The following NANOS3 variants were observed in gnomAD, a reference collection of about 807,000 sequenced individuals.
NANOS3 encodes nanos C2HC-type zinc finger 3.
NANOS3 carries 11 observed loss-of-function variants against 13.8 expected under a neutral mutation model. That is an observed-to-expected ratio of 0.80 (90% CI 0.50 to 1.32). The LOEUF is 1.32. Ranked by LOEUF, NANOS3 falls within the 40% of genes most tolerant of loss-of-function variation. NANOS3 has a pLI of 0.00. For synonymous variants in NANOS3, 119 were observed against 115.4 expected (o/e 1.03, Z -0.20); for missense variants, 221 against 263.8 (o/e 0.84, Z 1.12).
At chr19:13,863,789 C>T (rs543472356), upstream of NANOS3, among the ~76,000 whole-genome samples, 1 of 152,214 alleles carries the variant, frequency 6.6e-6, no homozygotes, top group East Asian at 1.9e-4. Context: ...CATCCACTCT[C>T]CTGGACCTGG....
intron 1 of NANOS3, among the ~76,000 whole-genome samples, chr19:13,870,826 C>T (rs904427301): frequency 6.6e-6 from 1 of 151,494 alleles, no homozygotes; most frequent in African/African-American, 2.4e-5. Flanking sequence ...CTGATCTGCC[C>T]GCCTCGGCCT....
upstream of NANOS3, among the ~76,000 whole-genome samples, chr19:13,864,957 T>G (rs1434723747): frequency 6.6e-6 from 1 of 152,018 alleles, no homozygotes; most frequent in Non-Finnish European, 1.5e-5. Context: ...CGCGTGCCTT[T>G]GTGCGCGTGT....
At chr19:13,874,180 C>G (rs1039643612), upstream of NANOS3, among the ~76,000 whole-genome samples, 12 of 152,246 alleles carry the variant, frequency 7.9e-5, no homozygotes, top group East Asian at 2.3e-3. Context: ...ACCTGACGAC[C>G]CCCCACCCCC....
At chr19:13,874,673 C>T (rs2145075700), upstream of NANOS3, 3 of 524,386 alleles carry the variant, frequency 5.7e-6, no homozygotes, top group South Asian at 2.8e-5. Context: ...TTCCCTGCCA[C>T]CTACCCCACC....
chr19:13,871,928 G>A (rs957278066), intron 1 of NANOS3, among the ~76,000 whole-genome samples: 1 of 152,160 alleles, frequency 6.6e-6, no homozygotes, highest in African/African-American at 2.4e-5. Flanking sequence ...GGGGCTGGGA[G>A]GTCGAGGCTG....
chr19:13,868,326 C>T (rs778038369), intron 1 of NANOS3, among the ~76,000 whole-genome samples: 2 of 151,826 alleles, frequency 1.3e-5, no homozygotes, highest in Non-Finnish European at 2.9e-5. Flanking sequence ...CCCAAAGTGC[C>T]GAGATTACAG....
chr19:13,865,448 G>C (rs928766875), intron 1 of NANOS3: 18 of 146,548 alleles, frequency 1.2e-4, no homozygotes, highest in Admixed American at 1.0e-3. Flanking sequence ...GTGAGCGCGG[G>C]CGCCGGGCGG....
chr19:13,869,103 C>T (rs1246050185), intron 1 of NANOS3, among the ~76,000 whole-genome samples: 2 of 152,122 alleles, frequency 1.3e-5, no homozygotes, highest in African/African-American at 4.8e-5. Context: ...CGGAGCCCAC[C>T]CTGACCCCAA....
At chr19:13,863,522 T>C (rs1599295504), upstream of NANOS3, among the ~76,000 whole-genome samples, 1 of 152,066 alleles carries the variant, frequency 6.6e-6, no homozygotes, top group African/African-American at 2.4e-5. Context: ...CCGGCCCCCC[T>C]TGCCTCTTTT....
intron 1 of NANOS3, 79 bp downstream of exon 1, chr19:13,877,844 A>T (rs1968551201): frequency 1.4e-6 from 2 of 1,476,334 alleles, no homozygotes; most frequent in African/African-American, 2.8e-5. Flanking sequence ...TAGCCCCAGT[A>T]CCCACCTCCA....
At chr19:13,868,023 C>T (rs1976268204) in intron 1 of NANOS3, among the ~76,000 whole-genome samples, 1 of 151,846 alleles carries the variant, frequency 6.6e-6, no homozygotes, top group African/African-American at 2.4e-5. Flanking sequence ...CATCTGGATG[C>T]CCACAAACCC....
At position 13,880,730 on chromosome 19, in the gene NANOS3, A is replaced by G. The variant is rs1207327939; in HGVS notation, c.*227A>G. The G allele has an allele frequency of 5.2e-6, 3 of 572,072 alleles. No homozygotes were observed. The highest frequency in any genetic ancestry group is 3.1e-5 in the Admixed American group (1 of 32,438). 35.4% of individuals were successfully genotyped at this position (572,072 alleles called of 1,614,324 possible). A position where few individuals can be genotyped will look rare whatever the true frequency, so the allele number is the denominator to read the frequency against. The stretch of plus-strand genomic sequence containing the variant: ...GTGCTGGGCATCCAGTCAGCCCTCA[A>G]TAAATGCTTATGAATGGATCAACAA... On this transcript the variant is annotated 3_prime_UTR_variant, in exon 2 of 2. Coordinates refer to ENST00000339133, the MANE Select transcript of NANOS3 (RefSeq NM_001098622.3).
At position 13,877,754 on chromosome 19, in the gene NANOS3, G is replaced by A. The variant is rs769339637; in HGVS notation, c.506G>A (p.Gly169Glu). The A allele has an allele frequency of 1.3e-6, 2 of 1,566,968 alleles. No individual in the cohort carries two copies. The highest frequency in any genetic ancestry group is 1.9e-5 in the Admixed American group (1 of 53,276). The part of the protein sequence containing the change: ...TQDTGHRRGG[G>E]GGAGFRGAGK... ...GACACAGGCCACCGCCGAGGAGGAG[G>A]AGGAGGAGCAGGTGCCTGCACAGGT... Residue 169 changes from glycine (G) to glutamate (E), a missense_variant, in exon 1 of 2, where the codon GGA (glycine) becomes GAA (glutamate). Physicochemically the swap from Gly to Glu is moderately conservative, Grantham distance 98. Coordinates refer to ENST00000339133, the MANE Select transcript of NANOS3 (RefSeq NM_001098622.3).
rs562170989 is a variant in NANOS3 at position 13,878,671 on chromosome 19, G to C, written c.517+906G>C. Among the ~76,000 whole-genome samples the C allele has an allele frequency of 2.0e-5, 3 of 149,048 alleles. No individual in the cohort carries two copies. The South Asian group carries it at 6.3e-4, about 31-fold the overall frequency. ...ATCCACCCAGGCTGGATGGAGTTCA[G>C]TGGTGCGATCTTGGCTCACTGCAAC... On this transcript the variant is annotated intron_variant, in intron 1 of 1. Transcript: ENST00000339133.
chr19:13,878,610 T>G (rs2145082515), intron 1 of NANOS3, among the ~76,000 whole-genome samples: 1 of 151,944 alleles, frequency 6.6e-6, no homozygotes, highest in East Asian at 1.9e-4. Context: ...TTCCTTTTTT[T>G]TTTTAATTTT....
intron 1 of NANOS3, among the ~76,000 whole-genome samples, chr19:13,878,061 A>G (rs949625854): frequency 9.3e-5 from 14 of 151,300 alleles, no homozygotes; most frequent in Admixed American, 2.0e-4. Flanking sequence ...GGCGCGCGCC[A>G]CCACACCCGG....
At chr19:13,877,891 G>C in intron 1 of NANOS3, 126 bp downstream of exon 1, 1 of 1,415,790 alleles carries the variant, frequency 7.1e-7, no homozygotes, top group African/African-American at 1.4e-5. Flanking sequence ...GCTTAGAACA[G>C]CAGTTGATTT....
chr19:13,865,045 C>A (rs1003197610), upstream of NANOS3, among the ~76,000 whole-genome samples: 7 of 152,042 alleles, frequency 4.6e-5, no homozygotes, highest in Admixed American at 2.0e-4. Context: ...GTCCCTGATT[C>A]CCCCGCGCGG....
chr19:13,874,475 C>G (rs1256983412), upstream of NANOS3, among the ~76,000 whole-genome samples: 1 of 152,172 alleles, frequency 6.6e-6, no homozygotes, highest in East Asian at 1.9e-4. Flanking sequence ...GGGCTTGAGG[C>G]CAGCACTCCC....
Sources: allele counts gnomAD v4.1 joint callset (sites outside exome capture counted in the v4.1 genomes callset), GRCh38; gene constraint gnomAD v4.1.1; transcripts MANE v1.5; gene names NCBI Gene and HGNC (gene_info 2026-07-23, HGNC 2026-07-21).